Variants in H6PD observed in about 807,000 individuals in gnomAD.
H6PD encodes the protein hexose-6-phosphate dehydrogenase/glucose 1-dehydrogenase.
H6PD carries 48 observed loss-of-function variants against 61.2 expected under a neutral mutation model. The ratio of observed to expected loss-of-function variants is 0.78; its 90% CI spans 0.62 to 1.00. H6PD has a LOEUF of 1.00. Among genes scored for constraint, H6PD ranks in the 50% least tolerant of loss-of-function variants. H6PD has a pLI of 0.00. For synonymous variants in H6PD, 480 were observed against 457.9 expected (o/e 1.05, Z -0.62); for missense variants, 1,093 against 1,065.0 (o/e 1.03, Z -0.37).
In H6PD at chr1:9,270,884, T is replaced by C. The variant is rs1285268752; in HGVS notation, c.*6015T>C. The stretch of plus-strand genomic sequence containing the variant: ...CAGAGAGGGGAACCCCACTGGTTTT[T>C]GTGGAAACAATGGAAACTTACAGAT... On this transcript the variant is annotated 3_prime_UTR_variant, in exon 5 of 5. Transcript: ENST00000377403. The C allele has an allele frequency of 6.6e-6, 1 of 151,980 alleles. No individual in the cohort carries two copies. Among genetic ancestry groups the C allele is most frequent in the African/African-American group, 2.4e-5 (1 of 41,324 alleles). 9.4% of individuals were successfully genotyped at this position (151,980 alleles called of 1,614,324 possible).
At chr1:9,251,383 A>T (rs994446995) in intron 3 of H6PD, among the ~76,000 whole-genome samples, 1 of 151,970 alleles carries the variant, frequency 6.6e-6, no homozygotes, top group African/African-American at 2.4e-5. Flanking sequence ...GCTGGAACGC[A>T]CTCAGGGCCA....
At chr1:9,249,488 G>A (rs952520502) in intron 3 of H6PD, among the ~76,000 whole-genome samples, 7 of 152,298 alleles carry the variant, frequency 4.6e-5, no homozygotes, top group African/African-American at 1.7e-4. Flanking sequence ...GGCACCTGGA[G>A]CCCTGTTGTC....
chr1:9,242,971 C>T (rs990991671), intron 1 of H6PD: 5 of 985,138 alleles, frequency 5.1e-6, no homozygotes, highest in African/African-American at 3.5e-5. Flanking sequence ...TCCTGTGGTC[C>T]GTGTGTGTAT....
Position 9,249,586 on chromosome 1 carries a change from AGGCCTTTAGTACAGCTGG to A in H6PD, c.745+2505_745+2522del, listed in dbSNP as rs572398939. Among the ~76,000 whole-genome samples the A allele has an allele frequency of 2.5e-4, 38 of 152,306 alleles. 1 individual carries two copies. The East Asian group carries it at 6.8e-3, about 27-fold the overall frequency. On this transcript the variant is annotated intron_variant, in intron 3 of 4. Coordinates refer to ENST00000377403, the MANE Select transcript of H6PD (RefSeq NM_004285.4). ...CGCCGCTCCTAAGCTCCAGAGTCCA[AGGCCTTTAGTACAGCTGG>A]GCCCTGTACCTTCAGCCCAGGGGCA... is the stretch of plus-strand genomic sequence containing the variant.
rs1188407879 is a variant in H6PD, at chr1:9,264,076, A to G, written c.1583A>G (p.Glu528Gly). 2.5e-6 allele frequency: 4 copies of G among 1,613,986 alleles called. No homozygotes were observed. The highest frequency in any genetic ancestry group is 1.1e-5 in the South Asian group (1 of 91,082). Residue 528 changes from glutamate (E) to glycine (G), a missense_variant, in exon 5 of 5, where the codon GAG becomes GGG. Transcript: ENST00000377403. ...TTGTTCTTTTCCCAGCAGCAGCCGG[A>G]GCAGCTGGTGCCAGGGCCAGGGCCG... ...GRLFFSQQQP[E>G]QLVPGPGPAP... is the part of the protein sequence containing the mutation.
At chr1:9,243,121 T>A in intron 1 of H6PD, 1 of 275,742 alleles carries the variant, frequency 3.6e-6, no homozygotes, top group Non-Finnish European at 5.5e-6. Flanking sequence ...TGTGGTTGGG[T>A]CCTCACCTTG....
At chr1:9,249,765 C>T (rs1204004767) in intron 3 of H6PD, among the ~76,000 whole-genome samples, 1 of 152,198 alleles carries the variant, frequency 6.6e-6, no homozygotes, top group Non-Finnish European at 1.5e-5. Context: ...CTGCAACTGT[C>T]CTGGGGTTTG....
In H6PD at chr1:9,248,488, C is replaced by T. The variant is rs564810983; in HGVS notation, c.745+1405C>T. 2.4e-4 allele frequency among the ~76,000 whole-genome samples: 37 copies of T among 152,164 alleles called. No homozygotes were observed. In the South Asian group the frequency reaches 6.7e-3, roughly 27 times the overall value. On this transcript the variant is annotated intron_variant, in intron 3 of 4. Transcript: ENST00000377403. ...GCTGTGGGGGGTGATGATCTCATCA[C>T]ACTGGCTGGTGGGACAAACTCCAAA...
intron 1 of H6PD, among the ~76,000 whole-genome samples, chr1:9,241,523 A>G (rs1640997763): frequency 6.6e-6 from 1 of 152,076 alleles, no homozygotes; most frequent in Non-Finnish European, 1.5e-5. Context: ...CAGCCTCCTG[A>G]GTAGCTGAGA....
rs550083198 is a variant in H6PD, at chr1:9,264,570, A to T, written c.2077A>T (p.Met693Leu). Residue 693 changes from methionine to leucine, a missense_variant, in exon 5 of 5, where the codon ATG (methionine) becomes TTG (leucine). By Grantham distance (15) the Met-to-Leu change is conservative. Transcript: ENST00000377403. Reference protein sequence around the residue: ...NSSFDLVLLGMGADGHTASLF... With the variant: ...NSSFDLVLLGLGADGHTASLF... ...CAGCTTCGACCTGGTGCTGCTGGGC[A>T]TGGGTGCCGACGGGCACACAGCCTC... 4 of 1,613,218 alleles carry T rather than the reference A, an allele frequency of 2.5e-6. No homozygotes were observed. The highest frequency in any genetic ancestry group is 1.1e-5 in the South Asian group (1 of 91,082).
In H6PD at chr1:9,254,453, A is replaced by C. The variant is rs1245498568; in HGVS notation, c.745+7370A>C. 6.6e-6 allele frequency among the ~76,000 whole-genome samples: 1 copy of C among 152,218 alleles called. No homozygotes were observed. Among genetic ancestry groups the C allele is most frequent in the African/African-American group, 2.4e-5 (1 of 41,448 alleles). On this transcript the variant is annotated intron_variant, in intron 3 of 4. Coordinates refer to ENST00000377403, the MANE Select transcript of H6PD (RefSeq NM_004285.4). The surrounding 1 kb of genome is among the most constrained non-coding windows in gnomAD (Gnocchi z 4.6). ...CTCCAGATCACAGCTCTGTACCACC[A>C]TTCAAGGATCCAGCCAGTCACCAAG...
At position 9,262,310 on chromosome 1, in the gene H6PD, C is replaced by T. The variant is rs1391071931; in HGVS notation, c.997C>T (p.Leu333=). The T allele has an allele frequency of 6.2e-7, 1 of 1,605,696 alleles. No individual in the cohort carries two copies. Among genetic ancestry groups the T allele is most frequent in the Non-Finnish European group, 8.5e-7 (1 of 1,176,276 alleles). ...ELQKPDSFHS[L]TPTFAAVLVH... is the part of the protein sequence containing the mutation. ...GCAGAAGCCAGACAGCTTCCACAGCCTGACGCCGACCTTCGCAGGTGGGCC... is the reference window on the plus strand; with the variant it reads ...GCAGAAGCCAGACAGCTTCCACAGCTTGACGCCGACCTTCGCAGGTGGGCC... Residue 333 remains leucine (L), a synonymous_variant, in exon 4 of 5, where the codon CTG becomes TTG. Transcript: ENST00000377403.
rs1009681118 is a variant in H6PD at position 9,268,696 on chromosome 1, TAGC to T, written c.*3830_*3832del. 6.6e-6 allele frequency: 1 copy of T among 152,230 alleles called. No individual in the cohort carries two copies. The highest frequency in any genetic ancestry group is 2.4e-5 in the African/African-American group (1 of 41,462). 9.4% of individuals were successfully genotyped at this position (152,230 alleles called of 1,614,324 possible). ...TAGCCCTACTCTTGGGCCCCCAAGT[TAGC>T]AGAGTAATCAAAGCTTCCTACCGTT... is the stretch of plus-strand genomic sequence containing the variant. On this transcript the variant is annotated 3_prime_UTR_variant, in exon 5 of 5. Transcript: ENST00000377403.
chr1:9,247,188 G>T, intron 3 of H6PD, 105 bp downstream of exon 3: 1 of 821,088 alleles, frequency 1.2e-6, no homozygotes, highest in Non-Finnish European at 2.1e-6. Flanking sequence ...TGGGTGTGTG[G>T]TCTCCCTTCG....
Position 9,264,719 on chromosome 1 carries a change from G to T in H6PD, c.2226G>T (p.Val742=), listed in dbSNP as rs1243350738. 4.3e-6 allele frequency: 7 copies of T among 1,613,376 alleles called. No homozygotes were observed. The highest frequency in any genetic ancestry group is 1.6e-4 in the Middle Eastern group (1 of 6,062). Residue 742 remains valine, a synonymous_variant, in exon 5 of 5, where the codon GTG becomes GTT. Transcript: ENST00000377403. ...CTCTCATCAACCGCGCCAAGAAGGT[G>T]GCAGTCCTGGTCATGGGCAGGATGA... The part of the protein sequence containing the change: ...SLPLINRAKK[V]AVLVMGRMKR...
At chr1:9,252,321 T>C (rs1251444029) in intron 3 of H6PD, among the ~76,000 whole-genome samples, 1 of 152,248 alleles carries the variant, frequency 6.6e-6, no homozygotes, top group Non-Finnish European at 1.5e-5. Flanking sequence ...AATATTTATA[T>C]TTCTGTTCAG....
chr1:9,242,621 C>G, intron 1 of H6PD: 2 of 985,484 alleles, frequency 2.0e-6, no homozygotes, highest in South Asian at 4.7e-5. Context: ...CCATCCGTCA[C>G]AGCTGTCTGC....
At position 9,238,920 on chromosome 1, in the gene H6PD, T is replaced by C. The variant is rs146783510; in HGVS notation, c.-11+3854T>C. 2.4e-4 allele frequency among the ~76,000 whole-genome samples: 36 copies of C among 152,312 alleles called. No homozygotes were observed. In the East Asian group the frequency reaches 6.5e-3, roughly 28 times the overall value. ...ACGTTGGCCAACTTCAAATACACTA[T>C]AATAGAATATCTTCACCTCATAGAT... On this transcript the variant is annotated intron_variant, in intron 1 of 4. Transcript: ENST00000377403.
intron 1 of H6PD, among the ~76,000 whole-genome samples, chr1:9,241,762 C>T (rs796847212): frequency 4.6e-5 from 7 of 152,160 alleles, no homozygotes; most frequent in African/African-American, 1.7e-4. Context: ...GTCCTTGGAC[C>T]CCAATGCTTC....
Sources: gnomAD v4.1 joint callset for allele counts (sites outside exome capture counted in the v4.1 genomes callset) on GRCh38, gnomAD v4.1.1 for gene constraint, Gnocchi (gnomAD v3.1) non-coding constraint, MANE v1.5 for transcripts, NCBI Gene and HGNC (gene_info 2026-07-23, HGNC 2026-07-21) for gene names.